The following CIT variants were observed in gnomAD, a reference collection of about 807,000 sequenced individuals.
CIT encodes citron rho-interacting serine/threonine kinase, also known as citron Rho-interacting kinase.
In CIT, 79 loss-of-function variants were observed where a neutral mutation model predicts 272.7. The observed-to-expected ratio is 0.29, with a 90% CI of 0.24 to 0.35. The LOEUF (loss-of-function observed/expected upper bound fraction) is 0.35, where lower values mean the gene tolerates loss of function less well. CIT is among the 10% of genes least tolerant of loss of function. The pLI is 1.00. For missense variants in CIT, 1,909 were observed against 2,618.3 expected, an observed-to-expected ratio of 0.73 and a Z score of 5.91; for synonymous variants, 948 against 995.6, an observed-to-expected ratio of 0.95 and a Z score of 0.90.
chr12:119,722,890 C>T (rs1957877547), intron 28 of CIT, among the ~76,000 whole-genome samples: 1 of 151,982 alleles, frequency 6.6e-6, no homozygotes, highest in Non-Finnish European at 1.5e-5. Flanking sequence ...GAAGAGCTAC[C>T]AACTAAAGAT....
At chr12:119,763,488 C>T (rs1267473778) in intron 19 of CIT, among the ~76,000 whole-genome samples, 1 of 152,208 alleles carries the variant, frequency 6.6e-6, no homozygotes, top group Admixed American at 6.5e-5. Context: ...CTTAGCCCCA[C>T]AAAGTGCTGA....
In CIT at chr12:119,837,274, T is replaced by C. The variant is rs565680038; in HGVS notation, c.517-3046A>G. Reference sequence around the variant, plus strand: ...ATATCCCAAAACTATACTACTGGGGTATAGCTGCTCATTCTAGTATGAATG... The same window carrying C: ...ATATCCCAAAACTATACTACTGGGGCATAGCTGCTCATTCTAGTATGAATG... On this transcript the variant is annotated intron_variant, in intron 5 of 47. Coordinates refer to ENST00000392521, the MANE Select transcript of CIT (RefSeq NM_001206999.2). 5.9e-5 allele frequency among the ~76,000 whole-genome samples: 9 copies of C among 152,350 alleles called. No homozygotes were observed. The South Asian group carries it at 1.0e-3, about 18-fold the overall frequency.
At chr12:119,774,712 C>T (rs1963565447) in intron 16 of CIT, among the ~76,000 whole-genome samples, 1 of 152,196 alleles carries the variant, frequency 6.6e-6, no homozygotes, top group Non-Finnish European at 1.5e-5. Flanking sequence ...GTGGCTCATG[C>T]CTGTAATCCC....
chr12:119,706,770 T>C (rs775387440), intron 40 of CIT, among the ~76,000 whole-genome samples: 18 of 152,370 alleles, frequency 1.2e-4, no homozygotes, highest in African/African-American at 3.4e-4. Context: ...GACTTTATAA[T>C]AGAATGATTT....
At chr12:119,869,269 CAG>C in intron 2 of CIT, 68 bp from the exon 3 acceptor site, 2 of 1,478,050 alleles carry the variant, frequency 1.4e-6, no homozygotes, top group Non-Finnish European at 1.8e-6. Flanking sequence ...AACATCCACA[CAG>C]AGTAAATTAC....
At position 119,728,691 on chromosome 12, in the gene CIT, G is replaced by T; in HGVS notation, c.3487-85C>A. ...TTTATGAATGTCCACGAACCTTCAC[G>T]GAGAAAGAATATTGAGTTCTAAAGG... is the stretch of plus-strand genomic sequence containing the variant. On this transcript the variant is annotated intron_variant, in intron 27 of 47. Coordinates refer to ENST00000392521, the MANE Select transcript of CIT (RefSeq NM_001206999.2). This position sits in a 1 kb window ranked among gnomAD's most constrained non-coding sequence, Gnocchi z 4.3. 1.1e-6 allele frequency: 1 copy of T among 939,412 alleles called. No homozygotes were observed. The highest frequency in any genetic ancestry group is 1.7e-6 in the Non-Finnish European group (1 of 604,968). 58.2% of individuals were successfully genotyped at this position (939,412 alleles called of 1,614,324 possible). A position where few individuals can be genotyped will look rare whatever the true frequency, so the allele number is the denominator to read the frequency against.
At chr12:119,876,295 T>C (rs548219874) in intron 1 of CIT, 114 bp from the exon 2 acceptor site, 1 of 620,862 alleles carries the variant, frequency 1.6e-6, no homozygotes, top group African/African-American at 1.9e-5. Flanking sequence ...CAGCTACCAC[T>C]CCAGTTTTAG....
intron 33 of CIT, 62 bp downstream of exon 33, chr12:119,714,135 A>T: frequency 3.8e-6 from 6 of 1,594,376 alleles, no homozygotes; most frequent in Non-Finnish European, 4.3e-6. Flanking sequence ...CCTCCACCTG[A>T]TAGACTTTTT....
At chr12:119,729,185 A>C (rs1958294199) in intron 27 of CIT, among the ~76,000 whole-genome samples, 1 of 152,228 alleles carries the variant, frequency 6.6e-6, no homozygotes, top group South Asian at 2.1e-4. Flanking sequence ...ACTAGAAAAA[A>C]ATATTTTTCA....
At chr12:119,837,167 C>G (rs1360585392) in intron 5 of CIT, among the ~76,000 whole-genome samples, 1 of 152,160 alleles carries the variant, frequency 6.6e-6, no homozygotes, top group Non-Finnish European at 1.5e-5. Context: ...GGTTACCACA[C>G]CAAAAATTCC....
At chr12:119,733,786 C>A (rs1958606989) in intron 26 of CIT, among the ~76,000 whole-genome samples, 1 of 152,018 alleles carries the variant, frequency 6.6e-6, no homozygotes, top group African/African-American at 2.4e-5. Context: ...GGTTGAGGAA[C>A]CCTGGGGTGG....
Position 119,769,736 on chromosome 12 carries a change from T to C in CIT, c.2208+1049A>G, listed in dbSNP as rs7294602. On this transcript the variant is annotated intron_variant, in intron 18 of 47. Coordinates refer to ENST00000392521, the MANE Select transcript of CIT (RefSeq NM_001206999.2). Reference sequence around the variant, plus strand: ...ACATATATACAAAGACTGGGTGTCTTAGCAAAACAATTTAACCCATTTTTC... The same window carrying C: ...ACATATATACAAAGACTGGGTGTCTCAGCAAAACAATTTAACCCATTTTTC... Among the ~76,000 whole-genome samples, 1,336 of 152,330 alleles carry C rather than the reference T, an allele frequency of 8.8e-3. 18 individuals carry two copies. Among genetic ancestry groups the C allele is most frequent in the African/African-American group, 0.031 (1,271 of 41,560 alleles).
intron 9 of CIT, among the ~76,000 whole-genome samples, chr12:119,818,249 T>A (rs974242726): frequency 6.6e-6 from 1 of 152,140 alleles, no homozygotes; most frequent in Non-Finnish European, 1.5e-5. Flanking sequence ...GAATGCCTAG[T>A]GGTTAGCACA....
intron 41 of CIT, among the ~76,000 whole-genome samples, chr12:119,702,822 A>G (rs912560672): frequency 5.3e-5 from 8 of 152,184 alleles, no homozygotes; most frequent in African/African-American, 1.7e-4. Flanking sequence ...GTCAGCAGCA[A>G]TGGTTTTGGT....
At position 119,747,420 on chromosome 12, in the gene CIT, C is replaced by CAA. The variant is rs748085699; in HGVS notation, c.2904+4628_2904+4629dup. 2.4e-4 allele frequency among the ~76,000 whole-genome samples: 22 copies of CAA among 92,922 alleles called. 1 individual carries two copies. The highest frequency in any genetic ancestry group is 7.8e-4 in the African/African-American group (19 of 24,216). The allele number at this position is 92,922 out of a possible 152,430, so 61.0% of individuals were successfully genotyped here. A position where few individuals can be genotyped will look rare whatever the true frequency, so the allele number is the denominator to read the frequency against. On this transcript the variant is annotated intron_variant, in intron 23 of 47. Coordinates refer to ENST00000392521, the MANE Select transcript of CIT (RefSeq NM_001206999.2). ...TGGGCAACAGAGGGAGACTCCATCT[C>CAA]AAAAAAAAAAAAAAATTAGGCCTGG...
intron 19 of CIT, among the ~76,000 whole-genome samples, chr12:119,765,469 CTT>C (rs34623472): frequency 2.6e-5 from 3 of 115,440 alleles, no homozygotes; most frequent in Admixed American, 9.5e-5. Flanking sequence ...AAGAAACAGA[CTT>C]TTTTTTTTTT....
At chr12:119,792,773 T>C (rs1200279129) in intron 10 of CIT, among the ~76,000 whole-genome samples, 2 of 152,108 alleles carry the variant, frequency 1.3e-5, no homozygotes, top group Non-Finnish European at 2.9e-5. Flanking sequence ...ACATCTGGCC[T>C]CTGAACTAAT....
intron 3 of CIT, among the ~76,000 whole-genome samples, chr12:119,859,949 TG>T (rs897756731): frequency 6.6e-6 from 1 of 152,130 alleles, no homozygotes; most frequent in Non-Finnish European, 1.5e-5. Context: ...CCAGAGTAGC[TG>T]GGACTATAGG....
chr12:119,798,860 G>A lies in CIT; in HGVS notation c.1295+4346C>T, dbSNP rs117838034. Among the ~76,000 whole-genome samples the A allele has an allele frequency of 1.8e-3, 273 of 152,244 alleles. 2 individuals carry two copies. In the East Asian group the frequency reaches 0.032, roughly 18 times the overall value. On this transcript the variant is annotated intron_variant, in intron 10 of 47. Transcript: ENST00000392521. The stretch of plus-strand genomic sequence containing the variant: ...CCCTCACTGGATTTTGCCTTACTCC[G>A]CTAACTCCCAAAGATGTCCAATTTG...
Sources: gnomAD v4.1 joint callset for allele counts (sites outside exome capture counted in the v4.1 genomes callset) on GRCh38, gnomAD v4.1.1 for gene constraint, Gnocchi (gnomAD v3.1) non-coding constraint, MANE v1.5 for transcripts, NCBI Gene and HGNC (gene_info 2026-07-23, HGNC 2026-07-21) for gene names.